Variants in PANK3 observed in about 807,000 individuals in gnomAD.
PANK3 encodes the protein hPanK3.
In PANK3, 20 loss-of-function variants were observed where a neutral mutation model predicts 39.4. The observed-to-expected ratio is 0.51, with a 90% confidence interval of 0.36 to 0.74. The LOEUF (loss-of-function observed/expected upper bound fraction) is 0.74, where lower values mean the gene tolerates loss of function less well. Among genes scored for constraint, PANK3 ranks in the 30% least tolerant of loss-of-function variants. The pLI, the probability that PANK3 is intolerant of heterozygous loss-of-function variation, is 0.00. For synonymous variants in PANK3, 140 were observed against 157.3 expected (o/e 0.89, Z 0.82); for missense variants, 265 against 437.0 (o/e 0.61, Z 3.51).
chr5:168,565,783 G>T (rs1202888299), intron 3 of PANK3, among the ~76,000 whole-genome samples: 1 of 150,370 alleles, frequency 6.7e-6, no homozygotes, highest in African/African-American at 2.4e-5. Context: ...AGTACTTTGG[G>T]AGGCCGAGAC....
At position 168,556,447 on chromosome 5, in the gene PANK3, T is replaced by C. The variant is rs1456137063; in HGVS notation, c.*1124A>G. 1.3e-5 allele frequency: 2 copies of C among 152,300 alleles called. No individual in the cohort carries two copies. Among genetic ancestry groups the C allele is most frequent in the African/African-American group, 4.8e-5 (2 of 41,438 alleles). The allele number at this position is 152,300 out of a possible 1,614,324, so 9.4% of individuals were successfully genotyped here. ...TTTCCTATGTTGCTCAATCTTCCTT[T>C]CCCTCCTAGGTTCTTACACATTTCA... is the stretch of plus-strand genomic sequence containing the variant. On this transcript the variant is annotated 3_prime_UTR_variant, in exon 7 of 7. Coordinates refer to ENST00000239231, the MANE Select transcript of PANK3 (RefSeq NM_024594.4).
In PANK3 at chr5:168,548,534, T is replaced by C. The variant is rs1374272389; in HGVS notation, c.*9037A>G. ...GATAATTTATTTAGAAAGTAGAAAATAAAAAGTATGATTCTAACATCTATT... is the reference window on the plus strand; with the variant it reads ...GATAATTTATTTAGAAAGTAGAAAACAAAAAGTATGATTCTAACATCTATT... On this transcript the variant is annotated 3_prime_UTR_variant, in exon 7 of 7. Transcript: ENST00000239231. The C allele has an allele frequency of 1.3e-5, 2 of 151,868 alleles. No homozygotes were observed. The highest frequency in any genetic ancestry group is 3.9e-4 in the East Asian group (2 of 5,172). The allele number at this position is 151,868 out of a possible 1,614,324, so 9.4% of individuals were successfully genotyped here. A position where few individuals can be genotyped will look rare whatever the true frequency, so the allele number is the denominator to read the frequency against.
chr5:168,569,868 A>C (rs142189732), intron 1 of PANK3, among the ~76,000 whole-genome samples: 1 of 152,156 alleles, frequency 6.6e-6, no homozygotes, highest in Admixed American at 6.5e-5. Context: ...CCTTGGCAAT[A>C]TAACAAGATC....
rs1463737935 is a variant in PANK3, at chr5:168,552,642, C to G, written c.*4929G>C. On this transcript the variant is annotated 3_prime_UTR_variant, in exon 7 of 7. Transcript: ENST00000239231. ...CACAAAGACCAAGATAGCCCCACTA[C>G]AGACAAAGCTCATCCCACCATACTC... 2 of 222,024 alleles carry G rather than the reference C, an allele frequency of 9.0e-6. No individual in the cohort carries two copies. Among genetic ancestry groups the G allele is most frequent in the Non-Finnish European group, 2.1e-5 (2 of 95,964 alleles). 13.8% of individuals were successfully genotyped at this position (222,024 alleles called of 1,614,324 possible). A position where few individuals can be genotyped will look rare whatever the true frequency, so the allele number is the denominator to read the frequency against.
At chr5:168,565,343 A>C (rs967113389) in intron 3 of PANK3, among the ~76,000 whole-genome samples, 11 of 152,310 alleles carry the variant, frequency 7.2e-5, no homozygotes, top group Middle Eastern at 3.4e-3. Context: ...GGTATTACAG[A>C]AAAGTATGTG....
chr5:168,578,168 C>T (rs1426599952), intron 1 of PANK3, among the ~76,000 whole-genome samples: 1 of 152,210 alleles, frequency 6.6e-6, no homozygotes, highest in East Asian at 1.9e-4. Flanking sequence ...TTGGTACATG[C>T]TTGGAAAAGT....
In PANK3 at chr5:168,551,457, A is replaced by G. The variant is rs1048389892; in HGVS notation, c.*6114T>C. 4.6e-5 allele frequency: 7 copies of G among 152,232 alleles called. No individual in the cohort carries two copies. Among genetic ancestry groups the G allele is most frequent in the African/African-American group, 1.4e-4 (6 of 41,468 alleles). 9.4% of individuals were successfully genotyped at this position (152,232 alleles called of 1,614,324 possible). Reference sequence around the variant, plus strand: ...ACATGGCTTTAAACAGTGAATTTCTAAACTACATTCTCAAATGCAATAGAC... The same window carrying G: ...ACATGGCTTTAAACAGTGAATTTCTGAACTACATTCTCAAATGCAATAGAC... On this transcript the variant is annotated 3_prime_UTR_variant, in exon 7 of 7. Transcript: ENST00000239231.
intron 4 of PANK3, 85 bp downstream of exon 4, chr5:168,563,804 C>T: frequency 7.8e-7 from 1 of 1,278,984 alleles, no homozygotes; most frequent in Non-Finnish European, 1.1e-6. Flanking sequence ...ACCCTTACAA[C>T]TTTCTGTTAC....
chr5:168,560,515 C>T (rs1396179618), intron 5 of PANK3, among the ~76,000 whole-genome samples: 1 of 152,184 alleles, frequency 6.6e-6, no homozygotes, highest in Non-Finnish European at 1.5e-5. Flanking sequence ...ATACACACTA[C>T]ACAATTTACT....
At chr5:168,573,440 A>AAAAAAAAAAAAAAAAAAAAAAAAAAC (rs1759679755) in intron 1 of PANK3, among the ~76,000 whole-genome samples, 1 of 142,180 alleles carries the variant, frequency 7.0e-6, no homozygotes, top group Non-Finnish European at 1.5e-5. Flanking sequence ...AAAAAAAAAA[A>AAAAAAAAAAAAAAAAAAAAAAAAAAC]AAAAAAGGCA....
chr5:168,566,659 A>G (rs1186035579), intron 2 of PANK3, among the ~76,000 whole-genome samples: 1 of 152,198 alleles, frequency 6.6e-6, no homozygotes, highest in Non-Finnish European at 1.5e-5. Flanking sequence ...CTGAGGCTAG[A>G]GAATAACAAA....
intron 5 of PANK3, among the ~76,000 whole-genome samples, chr5:168,560,132 G>A (rs568426294): frequency 6.6e-6 from 1 of 152,230 alleles, no homozygotes; most frequent in African/African-American, 2.4e-5. Context: ...TAGACATAAA[G>A]GGCTAAGAAT....
At chr5:168,578,309 A>AT (rs1301662233) in intron 1 of PANK3, among the ~76,000 whole-genome samples, 3 of 152,236 alleles carry the variant, frequency 2.0e-5, no homozygotes, top group Admixed American at 6.5e-5. Flanking sequence ...AGGAACCCCG[A>AT]TAGGCGGGCA....
rs114739033 is a variant in PANK3 at position 168,564,729 on chromosome 5, C to T, written c.636-664G>A. ...AGAATTACAGGCATGAACTACCATG[C>T]CCATCTTTGTAATTTTAAATCGTTT... On this transcript the variant is annotated intron_variant, in intron 3 of 6. Transcript: ENST00000239231. 6.9e-3 allele frequency among the ~76,000 whole-genome samples: 1,050 copies of T among 152,262 alleles called. 5 individuals carry two copies. The highest frequency in any genetic ancestry group is 0.01 in the Non-Finnish European group (687 of 68,024).
Position 168,553,107 on chromosome 5 carries a change from GC to G in PANK3, c.*4463del. 2.3e-6 allele frequency: 1 copy of G among 429,834 alleles called. No homozygotes were observed. Among genetic ancestry groups the G allele is most frequent in the Non-Finnish European group, 4.6e-6 (1 of 217,980 alleles). 26.6% of individuals were successfully genotyped at this position (429,834 alleles called of 1,614,324 possible). A position where few individuals can be genotyped will look rare whatever the true frequency, so the allele number is the denominator to read the frequency against. The stretch of plus-strand genomic sequence containing the variant: ...TGAGCAAAAACTTACGACTTCCAGG[GC>G]AAAATGGAAGGGCTACACTTTATAG... On this transcript the variant is annotated 3_prime_UTR_variant, in exon 7 of 7. Transcript: ENST00000239231.
rs1194316673 is a variant in PANK3, at chr5:168,550,841, CAAATAA to C, written c.*6724_*6729del. On this transcript the variant is annotated 3_prime_UTR_variant, in exon 7 of 7. Transcript: ENST00000239231. ...ATAACAAACCAACTCCCTCATTTTACAAATAAAAATAATGTTCAAAGAGGCAAGACC... is the reference window on the plus strand; with the variant it reads ...ATAACAAACCAACTCCCTCATTTTACAAATAATGTTCAAAGAGGCAAGACC... 6.6e-6 allele frequency: 1 copy of C among 152,024 alleles called. No homozygotes were observed. The highest frequency in any genetic ancestry group is 1.9e-4 in the East Asian group (1 of 5,194). 9.4% of individuals were successfully genotyped at this position (152,024 alleles called of 1,614,324 possible). A position where few individuals can be genotyped will look rare whatever the true frequency, so the allele number is the denominator to read the frequency against.
At chr5:168,576,591 C>T (rs576939910) in intron 1 of PANK3, among the ~76,000 whole-genome samples, 5 of 152,198 alleles carry the variant, frequency 3.3e-5, no homozygotes, top group Non-Finnish European at 5.9e-5. Flanking sequence ...TATATGCATT[C>T]GGGTTTATAA....
chr5:168,570,068 G>A (rs1043475305), intron 1 of PANK3, among the ~76,000 whole-genome samples: 1 of 151,802 alleles, frequency 6.6e-6, no homozygotes, highest in Admixed American at 6.6e-5. Context: ...AACCCAAAAA[G>A]CAATTCCCTT....
At chr5:168,573,416 C>CAAAAAAAA (rs574960925) in intron 1 of PANK3, among the ~76,000 whole-genome samples, 499 of 16,966 alleles carry the variant, frequency 0.029, 84 homozygotes, top group African/African-American at 0.034. Flanking sequence ...CTCAGCAAGG[C>CAAAAAAAA]AAAAAAAAAA....
Sources: gnomAD v4.1 joint callset for allele counts (sites outside exome capture counted in the v4.1 genomes callset) on GRCh38, gnomAD v4.1.1 for gene constraint, MANE v1.5 for transcripts, NCBI Gene and HGNC (gene_info 2026-07-23, HGNC 2026-07-21) for gene names.